BMPR1B: variants seen among roughly 807,000 people sequenced by gnomAD.
BMPR1B encodes the protein bone morphogenetic protein receptor type 1B.
A neutral mutation model predicts 59.1 loss-of-function variants in BMPR1B; 12 were observed. That is an observed-to-expected ratio of 0.20 (90% CI 0.13 to 0.33). The LOEUF is 0.33. BMPR1B is among the 10% of genes least tolerant of loss of function. The pLI is 1.00. For synonymous variants in BMPR1B, 237 were observed against 207.3 expected (o/e 1.14, Z -1.23); for missense variants, 550 against 610.9 (o/e 0.90, Z 1.05).
At chr4:94,881,296 C>T (rs1486201483) in intron 2 of BMPR1B, among the ~76,000 whole-genome samples, 1 of 152,074 alleles carries the variant, frequency 6.6e-6, no homozygotes, top group African/African-American at 2.4e-5. Context: ...AGACCTCTCC[C>T]CCACAAACAC....
chr4:94,800,754 T>C (rs1458588568), intron 1 of BMPR1B, among the ~76,000 whole-genome samples: 1 of 152,230 alleles, frequency 6.6e-6, no homozygotes, highest in African/African-American at 2.4e-5. Flanking sequence ...TTTAAAACTA[T>C]AAAACAATTA....
intron 3 of BMPR1B, among the ~76,000 whole-genome samples, chr4:95,033,246 A>G (rs1204471219): frequency 6.6e-6 from 1 of 151,672 alleles, no homozygotes; most frequent in African/African-American, 2.4e-5. Context: ...TTGCCTTTTC[A>G]CTGTGTTGAT....
intron 2 of BMPR1B, among the ~76,000 whole-genome samples, chr4:94,884,279 A>C (rs774616891): frequency 6.6e-6 from 1 of 152,200 alleles, no homozygotes; most frequent in Non-Finnish European, 1.5e-5. Flanking sequence ...TAATCCCAGC[A>C]CTTTGGGAGG....
chr4:94,869,418 G>T (rs1185420711), intron 1 of BMPR1B, among the ~76,000 whole-genome samples: 1 of 149,296 alleles, frequency 6.7e-6, no homozygotes, highest in Non-Finnish European at 1.5e-5. Flanking sequence ...TTCTTTGAGG[G>T]TTCTCTTAAA....
At chr4:94,917,563 C>T (rs531630633) in intron 2 of BMPR1B, among the ~76,000 whole-genome samples, 1 of 152,302 alleles carries the variant, frequency 6.6e-6, no homozygotes, top group South Asian at 2.1e-4. Context: ...TTTCTTTTGG[C>T]CAGTCTCTCC....
At chr4:94,878,349 C>T (rs978110885) in intron 2 of BMPR1B, among the ~76,000 whole-genome samples, 6 of 152,284 alleles carry the variant, frequency 3.9e-5, no homozygotes, top group African/African-American at 1.4e-4. Flanking sequence ...AGCATCTCAT[C>T]TAAACATTTA....
rs556274312 is a variant in BMPR1B, at chr4:94,933,543, A to G, written c.-113+57643A>G. ...GACAATAGGATTGTCTGGAGAAACTATAAGACATATCTACTGCAATTGTTT... is the reference window on the plus strand; with the variant it reads ...GACAATAGGATTGTCTGGAGAAACTGTAAGACATATCTACTGCAATTGTTT... On this transcript the variant is annotated intron_variant, in intron 2 of 12. Transcript: ENST00000515059. Among the ~76,000 whole-genome samples, 7 of 152,108 alleles carry G rather than the reference A, an allele frequency of 4.6e-5. 1 individual carries two copies. In the South Asian group the frequency reaches 6.2e-4, roughly 13 times the overall value.
Position 94,837,986 on chromosome 4 carries a change from CA to C in BMPR1B, c.-182-37842del, listed in dbSNP as rs1181077356. Among the ~76,000 whole-genome samples, 2 of 133,458 alleles carry C rather than the reference CA, an allele frequency of 1.5e-5. 1 individual carries two copies. The highest frequency in any genetic ancestry group is 3.3e-5 in the Non-Finnish European group (2 of 61,458). The allele number at this position is 133,458 out of a possible 152,430, so 87.6% of individuals were successfully genotyped here. On this transcript the variant is annotated intron_variant, in intron 1 of 12. Transcript: ENST00000515059. Reference sequence around the variant, plus strand: ...AGCATGAAGGGTTGTTGAATTTTGTCAAAGGCTTTTTCTGCATCTATTGAGA... The same window carrying C: ...AGCATGAAGGGTTGTTGAATTTTGTCAAGGCTTTTTCTGCATCTATTGAGA...
Position 95,104,475 on chromosome 4 carries a change from T to C in BMPR1B, c.51T>C (p.Asp17=). The C allele has an allele frequency of 6.2e-7, 1 of 1,613,348 alleles. No individual in the cohort carries two copies. The highest frequency in any genetic ancestry group is 1.1e-5 in the South Asian group (1 of 91,054). ...TAAATGTGGGCACCAAGAAAGAGGA[T>C]GGTGAGAGTACAGCCCCCACCCCCC... The part of the protein sequence containing the change: ...GKLNVGTKKE[D]GESTAPTPRP... The change falls in exon 4 of 13, where the codon GAT becomes GAC. Residue 17 remains aspartate, a synonymous_variant. Coordinates refer to ENST00000515059, the MANE Select transcript of BMPR1B (RefSeq NM_001203.3).
At chr4:94,807,616 G>A (rs1271498997) in intron 1 of BMPR1B, among the ~76,000 whole-genome samples, 1 of 152,198 alleles carries the variant, frequency 6.6e-6, no homozygotes, top group Non-Finnish European at 1.5e-5. Context: ...AAACTGTGGA[G>A]AATAGAAAGT....
At chr4:94,925,924 C>T (rs1479217240) in intron 2 of BMPR1B, among the ~76,000 whole-genome samples, 1 of 152,042 alleles carries the variant, frequency 6.6e-6, no homozygotes, top group African/African-American at 2.4e-5. Context: ...CAATTTCACG[C>T]AGCAAAGATT....
chr4:94,795,547 C>T (rs1423838076), intron 1 of BMPR1B, among the ~76,000 whole-genome samples: 2 of 152,088 alleles, frequency 1.3e-5, no homozygotes, highest in Non-Finnish European at 2.9e-5. Flanking sequence ...TCACTGCAAC[C>T]TCTGCCTTCG....
At chr4:95,045,062 T>C (rs970496292) in intron 3 of BMPR1B, among the ~76,000 whole-genome samples, 7 of 152,112 alleles carry the variant, frequency 4.6e-5, no homozygotes, top group African/African-American at 9.7e-5. Flanking sequence ...TGGCTTCCAA[T>C]TGGAAGAAGG....
chr4:94,879,518 C>T (rs376163354), intron 2 of BMPR1B, among the ~76,000 whole-genome samples: 1 of 152,066 alleles, frequency 6.6e-6, no homozygotes, highest in East Asian at 1.9e-4. Context: ...GCAGGAGGAT[C>T]ACTTGAGCTC....
chr4:95,115,851 T>C (rs989085723), intron 6 of BMPR1B, 64 bp downstream of exon 6: 8 of 1,425,658 alleles, frequency 5.6e-6, no homozygotes, highest in African/African-American at 4.2e-5. Flanking sequence ...AACTAAAAAC[T>C]AGAATCGTTC....
intron 2 of BMPR1B, among the ~76,000 whole-genome samples, chr4:94,929,703 A>G (rs1729019986): frequency 6.6e-6 from 1 of 151,836 alleles, no homozygotes; most frequent in African/African-American, 2.4e-5. Context: ...ACTTCATTTA[A>G]CTGCACTGTA....
Position 95,157,081 on chromosome 4 carries a change from G to C in BMPR1B, c.*2408G>C, listed in dbSNP as rs1735480148. 1 of 152,086 alleles carries C rather than the reference G, an allele frequency of 6.6e-6. No individual in the cohort carries two copies. Among genetic ancestry groups the C allele is most frequent in the African/African-American group, 2.4e-5 (1 of 41,434 alleles). 9.4% of individuals were successfully genotyped at this position (152,086 alleles called of 1,614,324 possible). A position where few individuals can be genotyped will look rare whatever the true frequency, so the allele number is the denominator to read the frequency against. On this transcript the variant is annotated 3_prime_UTR_variant, in exon 13 of 13. Transcript: ENST00000515059. The stretch of plus-strand genomic sequence containing the variant: ...GAGGTGATGATTTGAAATTAAGCTA[G>C]ATTTCTAGGGAGGTGTTGGTTCCAA...
chr4:95,139,077 G>A (rs144341552), intron 10 of BMPR1B, among the ~76,000 whole-genome samples: 3 of 152,124 alleles, frequency 2.0e-5, no homozygotes, highest in South Asian at 2.1e-4. Flanking sequence ...TGATGGTGAT[G>A]TACAGATGGG....
At chr4:95,031,158 G>T (rs996584366) in intron 3 of BMPR1B, among the ~76,000 whole-genome samples, 5 of 152,026 alleles carry the variant, frequency 3.3e-5, no homozygotes, top group Non-Finnish European at 7.4e-5. Flanking sequence ...GCATGGTACT[G>T]GTACCAAAAC....
Sources: gnomAD v4.1 joint callset for allele counts (sites outside exome capture counted in the v4.1 genomes callset) on GRCh38, gnomAD v4.1.1 for gene constraint, MANE v1.5 for transcripts, NCBI Gene and HGNC (gene_info 2026-07-23, HGNC 2026-07-21) for gene names.